GNA12: variants seen among roughly 807,000 people sequenced by gnomAD.
GNA12 encodes G protein subunit alpha 12, also known as guanine nucleotide-binding protein subunit alpha-12.
A neutral mutation model predicts 26.0 loss-of-function variants in GNA12; 9 were observed. That is an observed-to-expected ratio of 0.35 (90% CI 0.21 to 0.60). The LOEUF (loss-of-function observed/expected upper bound fraction) is 0.60. Ranked by LOEUF, GNA12 falls within the 20% of genes least tolerant of loss-of-function variation. The pLI is 0.78. For missense variants in GNA12, 405 were observed against 525.8 expected, an observed-to-expected ratio of 0.77 and a Z score of 2.25; for synonymous variants, 264 against 219.6, an observed-to-expected ratio of 1.20 and a Z score of -1.79.
intron 1 of GNA12, chr7:2,835,995 C>T (rs1778827119): frequency 4.7e-6 from 2 of 423,144 alleles, no homozygotes; most frequent in Non-Finnish European, 8.9e-6. Flanking sequence ...AATTTGGGAG[C>T]AGCATAAACC....
chr7:2,757,930 C>A (rs1020215652), intron 2 of GNA12, among the ~76,000 whole-genome samples: 4 of 152,144 alleles, frequency 2.6e-5, no homozygotes, highest in African/African-American at 9.7e-5. Context: ...GTCCCCACAT[C>A]AGAATAGCAA....
At chr7:2,765,887 T>TCCCCC (rs1791787703) in intron 2 of GNA12, among the ~76,000 whole-genome samples, 4 of 107,796 alleles carry the variant, frequency 3.7e-5, no homozygotes, top group Non-Finnish European at 8.2e-5. Flanking sequence ...CCCCCTCCCC[T>TCCCCC]CCCCCCAAGT....
At chr7:2,760,872 C>G (rs557374453) in intron 2 of GNA12, among the ~76,000 whole-genome samples, 2 of 152,300 alleles carry the variant, frequency 1.3e-5, no homozygotes, top group South Asian at 4.1e-4. Flanking sequence ...CAGAAGTTGT[C>G]ACATCCTCAC....
intron 2 of GNA12, among the ~76,000 whole-genome samples, chr7:2,740,582 G>A (rs927935066): frequency 5.3e-5 from 8 of 152,252 alleles, no homozygotes; most frequent in South Asian, 2.1e-4. Context: ...AGCTTGAGCC[G>A]ACAAATATAA....
At chr7:2,737,274 GTTTTTTTTTTTTTTGTTT>G (rs900652070) in intron 2 of GNA12, among the ~76,000 whole-genome samples, 4 of 35,046 alleles carry the variant, frequency 1.1e-4, no homozygotes, top group African/African-American at 2.0e-4. Context: ...GTTTTGTTTT[GTTTTTTTTTTTTTTGTTT>G]TTTTTTTTTT....
chr7:2,813,270 A>G (rs1284093609), intron 1 of GNA12, among the ~76,000 whole-genome samples: 2 of 152,264 alleles, frequency 1.3e-5, no homozygotes, highest in Admixed American at 6.5e-5. Flanking sequence ...GTTTCAAACT[A>G]TAAATATTTA....
At chr7:2,738,662 C>G (rs1231847785) in intron 2 of GNA12, among the ~76,000 whole-genome samples, 1 of 151,884 alleles carries the variant, frequency 6.6e-6, no homozygotes, top group Non-Finnish European at 1.5e-5. Context: ...AGGAGTAGCC[C>G]TCTCTGAGTA....
chr7:2,791,837 C>T (rs1026360118), intron 2 of GNA12, among the ~76,000 whole-genome samples: 23 of 152,052 alleles, frequency 1.5e-4, no homozygotes, highest in Non-Finnish European at 3.2e-4. Flanking sequence ...TACTATCTAG[C>T]TATTTTAATA....
chr7:2,766,019 C>T (rs1427698875), intron 2 of GNA12, among the ~76,000 whole-genome samples: 16 of 152,144 alleles, frequency 1.1e-4, no homozygotes, highest in Admixed American at 7.9e-4. Flanking sequence ...TTAAAATGCA[C>T]AGTTCAGTGG....
chr7:2,791,306 G>A (rs1792512048), intron 2 of GNA12, among the ~76,000 whole-genome samples: 1 of 152,198 alleles, frequency 6.6e-6, no homozygotes, highest in Admixed American at 6.5e-5. Context: ...TGGGGTGTCT[G>A]CTGTCTGTGA....
In GNA12 at chr7:2,835,935, C is replaced by T. The variant is rs376072856; in HGVS notation, c.309+7918G>A. ...CAACTGACGCCTTAGAATCCAAAGTCGAAGCAATTCAGTGGGTGTGAGCAG... is the reference window on the plus strand; with the variant it reads ...CAACTGACGCCTTAGAATCCAAAGTTGAAGCAATTCAGTGGGTGTGAGCAG... On this transcript the variant is annotated intron_variant, in intron 1 of 3. Coordinates refer to ENST00000275364, the MANE Select transcript of GNA12 (RefSeq NM_007353.3). The T allele has an allele frequency of 1.6e-4, 84 of 529,864 alleles. No homozygotes were observed. In the East Asian group the frequency reaches 1.7e-3, roughly 11 times the overall value. 32.8% of individuals were successfully genotyped at this position (529,864 alleles called of 1,614,324 possible).
intron 2 of GNA12, among the ~76,000 whole-genome samples, chr7:2,747,906 A>G (rs1318551757): frequency 2.0e-5 from 3 of 152,044 alleles, no homozygotes; most frequent in Non-Finnish European, 4.4e-5. Context: ...ACTCCCATTC[A>G]CAATTGCTTC....
At chr7:2,747,782 C>T (rs1049845142) in intron 2 of GNA12, among the ~76,000 whole-genome samples, 1 of 152,206 alleles carries the variant, frequency 6.6e-6, no homozygotes, top group African/African-American at 2.4e-5. Context: ...ACCCCATCAT[C>T]TCAGCCCAAA....
chr7:2,835,177 A>AT (rs1287920089), intron 1 of GNA12, among the ~76,000 whole-genome samples: 1 of 152,212 alleles, frequency 6.6e-6, no homozygotes, highest in African/African-American at 2.4e-5. Context: ...CGCATCACAC[A>AT]TAAGTCAGGG....
intron 2 of GNA12, among the ~76,000 whole-genome samples, chr7:2,737,306 T>TTTTTA (rs1790256692): frequency 7.8e-6 from 1 of 127,546 alleles, no homozygotes; most frequent in Non-Finnish European, 1.6e-5. Context: ...TTTTTTTTTT[T>TTTTTA]GAGATGGAGT....
intron 1 of GNA12, chr7:2,814,539 G>A (rs1256669385): frequency 1.5e-6 from 1 of 658,044 alleles, no homozygotes; most frequent in Non-Finnish European, 2.7e-6. Context: ...CACCCATGAA[G>A]TCTTTACTGG....
At chr7:2,807,791 G>C (rs950833232) in intron 1 of GNA12, among the ~76,000 whole-genome samples, 7 of 152,190 alleles carry the variant, frequency 4.6e-5, no homozygotes, top group African/African-American at 1.7e-4. Flanking sequence ...ACTTGGACAT[G>C]GCAATAATTA....
At chr7:2,762,301 A>AC (rs1335998774) in intron 2 of GNA12, 1 of 285,092 alleles carries the variant, frequency 3.5e-6, no homozygotes, top group Non-Finnish European at 6.5e-6. Context: ...GCCGGCGTGC[A>AC]CCCACCACTC....
chr7:2,744,258 G>C (rs569739064), intron 2 of GNA12, among the ~76,000 whole-genome samples: 42 of 152,336 alleles, frequency 2.8e-4, no homozygotes, highest in African/African-American at 9.1e-4. Flanking sequence ...GCCTAACTGG[G>C]AGGCACCCCC....
Sources: gnomAD v4.1 joint callset for allele counts (sites outside exome capture counted in the v4.1 genomes callset) on GRCh38, gnomAD v4.1.1 for gene constraint, MANE v1.5 for transcripts, NCBI Gene and HGNC (gene_info 2026-07-23, HGNC 2026-07-21) for gene names.